The following NEGR1 variants were observed in gnomAD, a reference collection of about 807,000 sequenced individuals.
NEGR1 encodes neuronal growth regulator 1.
Under a neutral mutation model 40.9 loss-of-function variants are expected in NEGR1, and 10 were observed. The observed-to-expected ratio is 0.24, with a 90% confidence interval of 0.15 to 0.42. The LOEUF (loss-of-function observed/expected upper bound fraction) is 0.42, where lower values mean the gene tolerates loss of function less well. Among genes scored for constraint, NEGR1 ranks in the 10% least tolerant of loss-of-function variants. The pLI is 1.00. For synonymous variants in NEGR1, 185 were observed against 166.8 expected (o/e 1.11, Z -0.84); for missense variants, 352 against 438.9 (o/e 0.80, Z 1.77).
At chr1:71,456,336 G>C (rs925631404) in intron 6 of NEGR1, among the ~76,000 whole-genome samples, 2 of 152,080 alleles carry the variant, frequency 1.3e-5, no homozygotes, top group Non-Finnish European at 2.9e-5. Flanking sequence ...TCAAACTCCT[G>C]GTCTCAAGCA....
intron 6 of NEGR1, among the ~76,000 whole-genome samples, chr1:71,459,748 A>G (rs557574836): frequency 6.6e-6 from 1 of 152,250 alleles, no homozygotes; most frequent in Admixed American, 6.5e-5. Flanking sequence ...TGCACAATTT[A>G]TTACTTTCTG....
intron 6 of NEGR1, among the ~76,000 whole-genome samples, chr1:71,502,488 C>A (rs1401355106): frequency 1.3e-5 from 2 of 152,164 alleles, no homozygotes; most frequent in Admixed American, 1.3e-4. Flanking sequence ...GTCTCTCAGT[C>A]CATTCTTTGG....
At chr1:71,661,586 C>G (rs766360334) in intron 4 of NEGR1, among the ~76,000 whole-genome samples, 3 of 152,140 alleles carry the variant, frequency 2.0e-5, no homozygotes, top group Non-Finnish European at 2.9e-5. Flanking sequence ...TGTCTCTAAT[C>G]CCTATGACAG....
At chr1:71,900,347 CA>C (rs1460026585) in intron 2 of NEGR1, among the ~76,000 whole-genome samples, 4 of 152,056 alleles carry the variant, frequency 2.6e-5, no homozygotes, top group African/African-American at 9.7e-5. Flanking sequence ...CCTAGTCATG[CA>C]AATAAGCATA....
rs145264373 is a variant in NEGR1 at position 72,129,543 on chromosome 1, C to T, written c.176+152776G>A. On this transcript the variant is annotated intron_variant, in intron 1 of 6. Transcript: ENST00000357731. ...AAATATGAAGAAAAGAGTTTTTGGG[C>T]GAACAAGCTACAAACAGTAATATTG... is the stretch of plus-strand genomic sequence containing the variant. Among the ~76,000 whole-genome samples, 84 of 152,014 alleles carry T rather than the reference C, an allele frequency of 5.5e-4. 1 individual carries two copies. The highest frequency in any genetic ancestry group is 1.9e-3 in the African/African-American group (80 of 41,478).
At chr1:71,612,386 A>T (rs933963847) in intron 4 of NEGR1, among the ~76,000 whole-genome samples, 8 of 152,318 alleles carry the variant, frequency 5.3e-5, no homozygotes, top group African/African-American at 1.9e-4. Context: ...TGTGATGCTT[A>T]AAAAGCTTTT....
chr1:71,694,533 C>T (rs555930740), intron 4 of NEGR1, among the ~76,000 whole-genome samples: 1 of 151,680 alleles, frequency 6.6e-6, no homozygotes, highest in Non-Finnish European at 1.5e-5. Context: ...CTAGCTCTAT[C>T]TGTATAGTCA....
At chr1:71,458,917 T>A (rs1646694813) in intron 6 of NEGR1, among the ~76,000 whole-genome samples, 1 of 152,146 alleles carries the variant, frequency 6.6e-6, no homozygotes, top group Non-Finnish European at 1.5e-5. Context: ...GACAAAGTTA[T>A]CTCCCCTCTG....
At chr1:71,946,770 T>C (rs1046734285) in intron 1 of NEGR1, among the ~76,000 whole-genome samples, 3 of 152,004 alleles carry the variant, frequency 2.0e-5, no homozygotes, top group African/African-American at 7.2e-5. Context: ...CTTTTATAAT[T>C]ATTAATAGTA....
chr1:72,110,359 G>A (rs1231054755), intron 1 of NEGR1, among the ~76,000 whole-genome samples: 1 of 151,074 alleles, frequency 6.6e-6, no homozygotes, highest in Non-Finnish European at 1.5e-5. Flanking sequence ...AATTATAGAT[G>A]TATAGTCACT....
chr1:71,781,236 A>G (rs545312337), intron 2 of NEGR1, among the ~76,000 whole-genome samples: 11 of 152,286 alleles, frequency 7.2e-5, no homozygotes, highest in African/African-American at 2.6e-4. Flanking sequence ...ATATAAGCAC[A>G]GGGTATTTTA....
chr1:71,435,886 A>T (rs911934117), intron 6 of NEGR1, among the ~76,000 whole-genome samples: 1 of 152,174 alleles, frequency 6.6e-6, no homozygotes, highest in South Asian at 2.1e-4. Context: ...TGAGTTCAAC[A>T]TGGAAGGCAT....
chr1:71,697,102 G>T (rs1653501392), intron 4 of NEGR1, among the ~76,000 whole-genome samples: 1 of 151,778 alleles, frequency 6.6e-6, no homozygotes, highest in South Asian at 2.1e-4. Context: ...CTGCTGATTA[G>T]CTTTAACATT....
At chr1:72,244,656 C>CG (rs1477499941) in intron 1 of NEGR1, among the ~76,000 whole-genome samples, 1 of 151,854 alleles carries the variant, frequency 6.6e-6, no homozygotes, top group African/African-American at 2.4e-5. Context: ...CATTGTTCCC[C>CG]GGGGGACATA....
chr1:71,573,552 T>C (rs1041166436), intron 6 of NEGR1: 5 of 152,216 alleles, frequency 3.3e-5, no homozygotes, highest in African/African-American at 1.2e-4. Flanking sequence ...AATGAATTAA[T>C]AAAATGACTT....
chr1:72,007,584 G>A (rs1055771646), intron 1 of NEGR1, among the ~76,000 whole-genome samples: 5 of 151,980 alleles, frequency 3.3e-5, no homozygotes, highest in Non-Finnish European at 5.9e-5. Context: ...ACACATGTAA[G>A]CAATCAAGTA....
chr1:71,818,017 T>C (rs957783279), intron 2 of NEGR1, among the ~76,000 whole-genome samples: 2 of 151,966 alleles, frequency 1.3e-5, no homozygotes, highest in Admixed American at 6.6e-5. Context: ...AGAATAGCTA[T>C]TATTAAAAAG....
At chr1:71,948,034 T>C (rs952788833) in intron 1 of NEGR1, among the ~76,000 whole-genome samples, 2 of 152,138 alleles carry the variant, frequency 1.3e-5, no homozygotes, top group Non-Finnish European at 2.9e-5. Flanking sequence ...AGTTTACACA[T>C]TGAATATAGT....
chr1:72,140,284 T>C (rs1198121501), intron 1 of NEGR1, among the ~76,000 whole-genome samples: 1 of 151,916 alleles, frequency 6.6e-6, no homozygotes, highest in Non-Finnish European at 1.5e-5. Flanking sequence ...TATGTGTTAG[T>C]TTATTTTTGA....
Sources: allele counts gnomAD v4.1 joint callset (sites outside exome capture counted in the v4.1 genomes callset), GRCh38; gene constraint gnomAD v4.1.1; transcripts MANE v1.5; gene names NCBI Gene and HGNC (gene_info 2026-07-23, HGNC 2026-07-21).